The following FRMD4A variants were observed in gnomAD, a reference collection of about 807,000 sequenced individuals.
FRMD4A encodes the protein FERM domain-containing protein 4A.
A neutral mutation model predicts 129.1 loss-of-function variants in FRMD4A; 29 were observed. The observed-to-expected ratio is 0.22, with a 90% CI of 0.17 to 0.31. The LOEUF is 0.31. Among genes scored for constraint, FRMD4A ranks in the 10% least tolerant of loss-of-function variants. FRMD4A has a pLI of 1.00. For synonymous variants in FRMD4A, 634 were observed against 571.6 expected (o/e 1.11, Z -1.56); for missense variants, 1,272 against 1,375.8 (o/e 0.92, Z 1.19).
chr10:14,265,034 G>C (rs1351077177), intron 2 of FRMD4A, among the ~76,000 whole-genome samples: 1 of 152,076 alleles, frequency 6.6e-6, no homozygotes, highest in Non-Finnish European at 1.5e-5. Context: ...CGCAAGCCTC[G>C]GCCTCCCAAA....
chr10:13,733,082 A>T (rs2090419498), intron 12 of FRMD4A, among the ~76,000 whole-genome samples: 3 of 152,224 alleles, frequency 2.0e-5, no homozygotes, highest in African/African-American at 4.8e-5. Flanking sequence ...GGCACTGAAG[A>T]CAGACTTTTG....
chr10:14,197,475 C>G (rs1318774704), intron 2 of FRMD4A, among the ~76,000 whole-genome samples: 1 of 152,166 alleles, frequency 6.6e-6, no homozygotes, highest in African/African-American at 2.4e-5. Flanking sequence ...ATTCTCCTGC[C>G]TCAGCCTCCC....
intron 3 of FRMD4A, among the ~76,000 whole-genome samples, chr10:13,820,592 G>A (rs1413080648): frequency 6.6e-6 from 1 of 152,058 alleles, no homozygotes; most frequent in Non-Finnish European, 1.5e-5. Flanking sequence ...ACCATCAGGT[G>A]ACTCCCATCT....
chr10:14,005,167 C>T lies in FRMD4A; in HGVS notation c.46-146255G>A, dbSNP rs190328114. Among the ~76,000 whole-genome samples, 8 of 152,108 alleles carry T rather than the reference C, an allele frequency of 5.3e-5. No homozygotes were observed. The East Asian group carries it at 1.5e-3, about 29-fold the overall frequency. ...CCTCCTGAGTAGCTGGGATTATAAG[C>T]GCATACCACCACGCCTGGCTAATTT... On this transcript the variant is annotated intron_variant, in intron 2 of 24. Coordinates refer to ENST00000357447, the MANE Select transcript of FRMD4A (RefSeq NM_018027.5).
intron 2 of FRMD4A, among the ~76,000 whole-genome samples, chr10:14,016,615 A>C (rs553528657): frequency 3.3e-5 from 5 of 152,352 alleles, no homozygotes; most frequent in Admixed American, 3.3e-4. Context: ...CCTGTTTAGT[A>C]GATTTCATTT....
intron 16 of FRMD4A, among the ~76,000 whole-genome samples, chr10:13,672,106 C>T (rs751792107): frequency 8.5e-5 from 13 of 152,314 alleles, no homozygotes; most frequent in Non-Finnish European, 7.3e-5. Context: ...CATGTGTGTG[C>T]GTGTGTACAT....
At chr10:13,773,549 G>A (rs2092517380) in intron 6 of FRMD4A, among the ~76,000 whole-genome samples, 1 of 152,234 alleles carries the variant, frequency 6.6e-6, no homozygotes, top group South Asian at 2.1e-4. Flanking sequence ...ATGTAAAGAA[G>A]ATTGGGAGCT....
At chr10:14,025,861 C>G (rs1204927617) in intron 2 of FRMD4A, among the ~76,000 whole-genome samples, 2 of 152,298 alleles carry the variant, frequency 1.3e-5, no homozygotes, top group East Asian at 3.9e-4. Flanking sequence ...CTGTGTCGGA[C>G]TTTCTTCCCT....
Position 13,657,921 on chromosome 10 carries a change from GC to G in FRMD4A, c.2067-400del, listed in dbSNP as rs536396253. ...CAGTGCTTCAGGAGGCTGAAGAATT[GC>G]TTGAGCCTGGGAATTTGAGACCATC... On this transcript the variant is annotated intron_variant, in intron 21 of 24. Coordinates refer to ENST00000357447, the MANE Select transcript of FRMD4A (RefSeq NM_018027.5). 3.3e-5 allele frequency among the ~76,000 whole-genome samples: 5 copies of G among 151,612 alleles called. No individual in the cohort carries two copies. The South Asian group carries it at 1.0e-3, about 32-fold the overall frequency.
At chr10:13,898,094 T>C (rs2131183794) in intron 2 of FRMD4A, among the ~76,000 whole-genome samples, 1 of 152,092 alleles carries the variant, frequency 6.6e-6, no homozygotes, top group East Asian at 1.9e-4. Flanking sequence ...GACAAGAGGC[T>C]GGGTGCGGTG....
chr10:14,137,050 C>T (rs935163115), intron 2 of FRMD4A, among the ~76,000 whole-genome samples: 5 of 152,244 alleles, frequency 3.3e-5, no homozygotes, highest in African/African-American at 1.2e-4. Context: ...TATTCCCATT[C>T]AACAAGAGCC....
At chr10:14,142,697 T>A (rs1030036505) in intron 2 of FRMD4A, among the ~76,000 whole-genome samples, 1 of 152,232 alleles carries the variant, frequency 6.6e-6, no homozygotes, top group Non-Finnish European at 1.5e-5. Flanking sequence ...AGAGAAGTAC[T>A]TAAAGCCAGA....
chr10:14,149,853 T>C (rs889096503), intron 2 of FRMD4A, among the ~76,000 whole-genome samples: 1 of 152,136 alleles, frequency 6.6e-6, no homozygotes, highest in African/African-American at 2.4e-5. Flanking sequence ...GTAGGTCCTG[T>C]TTTAGTCCAT....
At position 14,251,889 on chromosome 10, in the gene FRMD4A, A is replaced by G. The variant is rs539058607; in HGVS notation, c.45+78169T>C. On this transcript the variant is annotated intron_variant, in intron 2 of 24. Transcript: ENST00000357447. ...AACGAGCATGTGTGCACACATGTGCACACACACACACACACAATTTAAAAC... is the reference window on the plus strand; with the variant it reads ...AACGAGCATGTGTGCACACATGTGCGCACACACACACACACAATTTAAAAC... Among the ~76,000 whole-genome samples, 11 of 150,962 alleles carry G rather than the reference A, an allele frequency of 7.3e-5. No individual in the cohort carries two copies. The South Asian group carries it at 1.9e-3, about 26-fold the overall frequency.
intron 2 of FRMD4A, among the ~76,000 whole-genome samples, chr10:14,184,540 TTTG>T (rs1842020871): frequency 6.6e-6 from 1 of 152,102 alleles, no homozygotes; most frequent in South Asian, 2.1e-4. Flanking sequence ...AAAGGTATTT[TTTG>T]TTGTTGTTCC....
intron 6 of FRMD4A, among the ~76,000 whole-genome samples, chr10:13,766,268 C>T (rs1423570116): frequency 3.3e-5 from 5 of 152,328 alleles, no homozygotes; most frequent in Admixed American, 6.5e-5. Context: ...CTGATTGATT[C>T]AACTTCTCTC....
rs567286901 is a variant in FRMD4A, at chr10:14,255,895, A to C, written c.45+74163T>G. Among the ~76,000 whole-genome samples, 12 of 151,806 alleles carry C rather than the reference A, an allele frequency of 7.9e-5. No homozygotes were observed. The East Asian group carries it at 2.3e-3, about 29-fold the overall frequency. Reference sequence around the variant, plus strand: ...GTGGCCTGCACCTTTAATCTCAGCTACTCAGGAGGCTGAGGCACAAGAATC... The same window carrying C: ...GTGGCCTGCACCTTTAATCTCAGCTCCTCAGGAGGCTGAGGCACAAGAATC... On this transcript the variant is annotated intron_variant, in intron 2 of 24. Coordinates refer to ENST00000357447, the MANE Select transcript of FRMD4A (RefSeq NM_018027.5).
intron 2 of FRMD4A, among the ~76,000 whole-genome samples, chr10:14,284,092 G>A (rs1264398629): frequency 5.3e-5 from 8 of 152,118 alleles, no homozygotes; most frequent in Non-Finnish European, 1.5e-5. Context: ...TGAAATATGG[G>A]TAAAAATACT....
intron 2 of FRMD4A, among the ~76,000 whole-genome samples, chr10:14,050,859 A>G (rs1218589819): frequency 2.6e-5 from 4 of 152,174 alleles, no homozygotes; most frequent in Non-Finnish European, 5.9e-5. Context: ...CACCTCTTCC[A>G]TTTGGCTGCT....
Sources: allele counts gnomAD v4.1 joint callset (sites outside exome capture counted in the v4.1 genomes callset), GRCh38; gene constraint gnomAD v4.1.1; transcripts MANE v1.5; gene names NCBI Gene and HGNC (gene_info 2026-07-23, HGNC 2026-07-21).